The following RFWD3 variants were observed in gnomAD, a reference collection of about 807,000 sequenced individuals.
RFWD3 encodes E3 ubiquitin-protein ligase RFWD3.
RFWD3 carries 65 observed loss-of-function variants against 87.7 expected under a neutral mutation model. The observed-to-expected ratio is 0.74, with a 90% CI of 0.61 to 0.91. RFWD3 has a LOEUF of 0.91. RFWD3 is among the 40% of genes least tolerant of loss of function. The pLI is 0.00. For missense variants in RFWD3, 1,078 were observed against 938.5 expected, an observed-to-expected ratio of 1.15 and a Z score of -1.94; for synonymous variants, 433 against 352.8, an observed-to-expected ratio of 1.23 and a Z score of -2.55.
intron 1 of RFWD3, 59 bp downstream of exon 1, chr16:74,666,727 G>T (rs1049446157): frequency 4.0e-5 from 5 of 125,084 alleles, no homozygotes; most frequent in Admixed American, 2.5e-4. Flanking sequence ...TCAGGCGTGG[G>T]GAGGTTTATC....
chr16:74,632,774 A>G (rs1294509753), intron 8 of RFWD3, 101 bp from the exon 9 acceptor site: 31 of 1,089,402 alleles, frequency 2.8e-5, no homozygotes, highest in South Asian at 9.1e-5. Flanking sequence ...TTCTTGGCGT[A>G]TAAGTCCTTG....
At position 74,637,977 on chromosome 16, in the gene RFWD3, G is replaced by A. The variant is rs1451688624; in HGVS notation, c.1080-7C>T. The A allele has an allele frequency of 1.3e-6, 2 of 1,598,368 alleles. No homozygotes were observed. Among genetic ancestry groups the A allele is most frequent in the African/African-American group, 1.3e-5 (1 of 74,606 alleles). ...CTGTTCCTTCAGTAGGGAACTAGAG[G>A]GGGAAAGCCAGCAACAAGTGGGGAT... On this transcript the variant is annotated splice_polypyrimidine_tract_variant and splice_region_variant and intron_variant, in intron 6 of 12. Coordinates refer to ENST00000361070, the MANE Select transcript of RFWD3 (RefSeq NM_018124.4).
chr16:74,661,218 C>T lies in RFWD3; in HGVS notation c.232G>A (p.Val78Ile). Residue 78 changes from valine (V) to isoleucine (I), a missense_variant, in exon 2 of 13, where the codon GTT (valine) becomes ATT (isoleucine). By Grantham distance (29) the Val-to-Ile change is conservative (BLOSUM62 3). Transcript: ENST00000361070. Reference sequence around the variant, plus strand: ...AAGACCTCCACTTCTGTCAGGTCAACAGACAGTTGCGGAGCAGGCTGGAGC... The same window carrying T: ...AAGACCTCCACTTCTGTCAGGTCAATAGACAGTTGCGGAGCAGGCTGGAGC... ...PLLQPAPQLSVDLTEVEVLGE... is the reference protein window; with the variant it reads ...PLLQPAPQLSIDLTEVEVLGE... The T allele has an allele frequency of 1.2e-6, 2 of 1,614,248 alleles. No homozygotes were observed. Among genetic ancestry groups the T allele is most frequent in the Non-Finnish European group, 1.7e-6 (2 of 1,180,046 alleles).
intron 1 of RFWD3, among the ~76,000 whole-genome samples, chr16:74,663,776 T>C (rs1961655740): frequency 6.6e-6 from 1 of 152,034 alleles, no homozygotes; most frequent in South Asian, 2.1e-4. Context: ...AAGATAAAAC[T>C]CAAAGCCTGC....
At position 74,622,884 on chromosome 16, in the gene RFWD3, A is replaced by G. The variant is rs1958808935; in HGVS notation, c.*1044T>C. The G allele has an allele frequency of 6.6e-6, 1 of 152,252 alleles. No homozygotes were observed. The highest frequency in any genetic ancestry group is 1.5e-5 in the Non-Finnish European group (1 of 68,046). The allele number at this position is 152,252 out of a possible 1,614,324, so 9.4% of individuals were successfully genotyped here. On this transcript the variant is annotated 3_prime_UTR_variant, in exon 13 of 13. Coordinates refer to ENST00000361070, the MANE Select transcript of RFWD3 (RefSeq NM_018124.4). ...CTTTAACTGGATAACTGGAATGTATAAAGAACACTTAAGAACAGCCCCTCA... is the reference window on the plus strand; with the variant it reads ...CTTTAACTGGATAACTGGAATGTATGAAGAACACTTAAGAACAGCCCCTCA...
chr16:74,638,049 C>A (rs1261181086), intron 6 of RFWD3, 79 bp from the exon 7 acceptor site: 8 of 850,762 alleles, frequency 9.4e-6, no homozygotes, highest in Non-Finnish European at 1.4e-5. Context: ...GAGTTAAGTT[C>A]ATGCTATGAT....
intron 10 of RFWD3, 89 bp downstream of exon 10, chr16:74,630,692 C>A (rs1959066313): frequency 1.7e-6 from 2 of 1,160,104 alleles, no homozygotes; most frequent in Non-Finnish European, 2.3e-6. Context: ...TTCTGACTAA[C>A]TGTGGAACAC....
In RFWD3 at chr16:74,623,012, T is replaced by C. The variant is rs754052432; in HGVS notation, c.*916A>G. ...TGAATAGCTTTTGTAAATTCTCTTA[T>C]GTCTTTTCTCCTGATCTCTGACACT... On this transcript the variant is annotated 3_prime_UTR_variant, in exon 13 of 13. Coordinates refer to ENST00000361070, the MANE Select transcript of RFWD3 (RefSeq NM_018124.4). 1 of 152,230 alleles carries C rather than the reference T, an allele frequency of 6.6e-6. No homozygotes were observed. Among genetic ancestry groups the C allele is most frequent in the Non-Finnish European group, 1.5e-5 (1 of 68,038 alleles). The allele number at this position is 152,230 out of a possible 1,614,324, so 9.4% of individuals were successfully genotyped here.
rs1032203204 is a variant in RFWD3 at position 74,636,812 on chromosome 16, C to T, written c.1195-235G>A. 2.6e-5 allele frequency among the ~76,000 whole-genome samples: 4 copies of T among 151,254 alleles called. No homozygotes were observed. The South Asian group carries it at 8.4e-4, about 32-fold the overall frequency. ...CACTGCAACCTCCATCTCCTGGGTT[C>T]AAGCACTTCTGCCTCAGCCTCCTGA... is the stretch of plus-strand genomic sequence containing the variant. On this transcript the variant is annotated intron_variant, in intron 7 of 12. Coordinates refer to ENST00000361070, the MANE Select transcript of RFWD3 (RefSeq NM_018124.4).
chr16:74,633,294 GA>G (rs1280240455), intron 8 of RFWD3, among the ~76,000 whole-genome samples: 8 of 92,942 alleles, frequency 8.6e-5, no homozygotes, highest in Non-Finnish European at 1.8e-4. Context: ...AAAAAAAAAA[GA>G]AAAGAAAAAA....
At chr16:74,628,300 C>T in intron 11 of RFWD3, 152 bp downstream of exon 11, 1 of 677,546 alleles carries the variant, frequency 1.5e-6, no homozygotes, top group South Asian at 1.9e-5. Flanking sequence ...AGCTTGGAGC[C>T]ACCATACTCC....
At chr16:74,643,893 G>T (rs953355812) in intron 6 of RFWD3, 2 of 181,054 alleles carry the variant, frequency 1.1e-5, no homozygotes, top group Admixed American at 1.1e-4. Flanking sequence ...TAGCCAGGAT[G>T]GTCTTGATCT....
chr16:74,657,223 A>C (rs1290694516), intron 2 of RFWD3, among the ~76,000 whole-genome samples: 1 of 152,202 alleles, frequency 6.6e-6, no homozygotes, highest in African/African-American at 2.4e-5. Context: ...CTATGATTAC[A>C]GGCAGATGCT....
At position 74,623,384 on chromosome 16, in the gene RFWD3, G is replaced by C. The variant is rs1320515190; in HGVS notation, c.*544C>G. ...GTGGAGATGAGACAAGTTACTAAAA[G>C]ATTGTCAGCCTTCAAGGTCAGAAAT... On this transcript the variant is annotated 3_prime_UTR_variant, in exon 13 of 13. Transcript: ENST00000361070. 6.5e-6 allele frequency: 1 copy of C among 152,842 alleles called. No homozygotes were observed. The highest frequency in any genetic ancestry group is 1.5e-5 in the Non-Finnish European group (1 of 68,192). 9.5% of individuals were successfully genotyped at this position (152,842 alleles called of 1,614,324 possible).
chr16:74,642,892 TG>T (rs1374601556), intron 6 of RFWD3, among the ~76,000 whole-genome samples: 1 of 152,238 alleles, frequency 6.6e-6, no homozygotes, highest in Non-Finnish European at 1.5e-5. Context: ...ATCGGCATTT[TG>T]AAACTCTTCA....
At chr16:74,649,009 G>C in intron 4 of RFWD3, 123 bp downstream of exon 4, 1 of 506,940 alleles carries the variant, frequency 2.0e-6, no homozygotes, top group Non-Finnish European at 3.4e-6. Context: ...TTGAGCCCAG[G>C]AGTTTGAAAC....
chr16:74,634,931 C>T (rs1408316365), intron 8 of RFWD3, among the ~76,000 whole-genome samples: 1 of 151,988 alleles, frequency 6.6e-6, no homozygotes, highest in African/African-American at 2.4e-5. Context: ...CACCTGAGGT[C>T]AGGAGTTGGA....
chr16:74,640,244 C>G (rs1959516128), intron 6 of RFWD3, among the ~76,000 whole-genome samples: 1 of 151,304 alleles, frequency 6.6e-6, no homozygotes. Flanking sequence ...CTCCCGAGTT[C>G]AAGCGATTCT....
chr16:74,666,283 G>A (rs1961917284), intron 1 of RFWD3: 1 of 152,180 alleles, frequency 6.6e-6, no homozygotes, highest in Non-Finnish European at 1.5e-5. Flanking sequence ...ACTTTGGGCG[G>A]GTTTCCTAAA....
Sources: gnomAD v4.1 joint callset for allele counts (sites outside exome capture counted in the v4.1 genomes callset) on GRCh38, gnomAD v4.1.1 for gene constraint, MANE v1.5 for transcripts, NCBI Gene and HGNC (gene_info 2026-07-23, HGNC 2026-07-21) for gene names.